STRN4: variants seen among roughly 807,000 people sequenced by gnomAD.
STRN4 encodes the protein striatin-4.
Under a neutral mutation model 77.9 loss-of-function variants are expected in STRN4, and 27 were observed. The observed-to-expected ratio is 0.35, with a 90% CI of 0.26 to 0.48. The LOEUF is 0.48. Ranked by LOEUF, STRN4 falls within the 20% of genes least tolerant of loss-of-function variation. The pLI is 0.99. For missense variants in STRN4, 798 were observed against 1,049.7 expected, an observed-to-expected ratio of 0.76 and a Z score of 3.31; for synonymous variants, 466 against 443.1, an observed-to-expected ratio of 1.05 and a Z score of -0.65.
intron 16 of STRN4, 168 bp downstream of exon 16, chr19:46,721,818 G>GC (rs1239364254): frequency 3.1e-6 from 2 of 637,190 alleles, no homozygotes; most frequent in African/African-American, 3.6e-5. Flanking sequence ...CCAGAGGAGG[G>GC]CCCCAGCGGA....
chr19:46,730,196 C>A (rs191705067), intron 6 of STRN4, among the ~76,000 whole-genome samples: 1 of 152,222 alleles, frequency 6.6e-6, no homozygotes, highest in Non-Finnish European at 1.5e-5. Context: ...GCTGCGGCTC[C>A]GTGCACACCA....
rs767886692 is a variant in STRN4, at chr19:46,722,294, G to C, written c.1953C>G (p.Leu651=). The C allele has an allele frequency of 1.2e-6, 2 of 1,614,080 alleles. No homozygotes were observed. Among genetic ancestry groups the C allele is most frequent in the African/African-American group, 1.3e-5 (1 of 74,940 alleles). The change falls in exon 15 of 18, where the codon CTC becomes CTG. Residue 651 remains leucine, a synonymous_variant. Transcript: ENST00000263280. ...NQVVSHPNQP[L]TITAHDDRGI... is the part of the protein sequence containing the mutation. ...CCCTGTCGTCGTGGGCGGTGATGGT[G>C]AGAGGCTGGTTTGGATGACTCACCA... is the stretch of plus-strand genomic sequence containing the variant.
In STRN4 at chr19:46,723,134, C is replaced by T. The variant is rs1399647750; in HGVS notation, c.1745G>A (p.Cys582Tyr). The change falls in exon 13 of 18, where the codon TGC becomes TAC. Residue 582 changes from cysteine to tyrosine, a missense_variant. By Grantham distance (194) the Cys-to-Tyr change is radical. Around this residue, in one of 2 missense-constraint regions of STRN4, gnomAD observed 287 missense variants for 473.8 expected, o/e 0.61. Transcript: ENST00000263280. This position sits in a 1 kb window ranked among gnomAD's most constrained non-coding sequence, Gnocchi z 5.5. ...CTCACCGCTGGCTGTGGGGAAGGTG[C>T]AGAGGCAGGCCGGGCTGCTGCTGCT... The part of the protein sequence containing the change: ...DPSSSSPACL[C>Y]TFPTASEHGV... 6.4e-7 allele frequency: 1 copy of T among 1,568,292 alleles called. No homozygotes were observed. Among genetic ancestry groups the T allele is most frequent in the Non-Finnish European group, 8.6e-7 (1 of 1,157,504 alleles).
At position 46,746,447 on chromosome 19, in the gene STRN4, G is replaced by C. The variant is rs1599911420; in HGVS notation, c.-17C>G. The C allele has an allele frequency of 1.0e-6, 1 of 1,003,452 alleles. No homozygotes were observed. The highest frequency in any genetic ancestry group is 1.2e-6 in the Non-Finnish European group (1 of 843,772). 62.2% of individuals were successfully genotyped at this position (1,003,452 alleles called of 1,614,324 possible). A position where few individuals can be genotyped will look rare whatever the true frequency, so the allele number is the denominator to read the frequency against. ...CTCCATCATGGAGGCCCCGGGGCCGGCCTGCGCGCCCGCTGTGCCTCGCGC... is the reference window on the plus strand; with the variant it reads ...CTCCATCATGGAGGCCCCGGGGCCGCCCTGCGCGCCCGCTGTGCCTCGCGC... On this transcript the variant is annotated 5_prime_UTR_variant, in exon 1 of 18. Transcript: ENST00000263280.
At chr19:46,739,221 G>A in intron 1 of STRN4, 1 of 360,804 alleles carries the variant, frequency 2.8e-6, no homozygotes, top group Non-Finnish European at 5.4e-6. Context: ...GAGGAGGGTG[G>A]GCATTCACCG....
chr19:46,734,998 C>T (rs1237898108), intron 4 of STRN4, among the ~76,000 whole-genome samples: 2 of 151,992 alleles, frequency 1.3e-5, no homozygotes, highest in Non-Finnish European at 2.9e-5. Flanking sequence ...AAAACAAATC[C>T]CAGCTTTTAT....
Position 46,738,946 on chromosome 19 carries a change from T to A in STRN4, c.283-58A>T. ...ATGGGGCTCAGGCTCAATGCCGGTGTGTCTATCACTCACCCAGGTATAGTG... is the reference window on the plus strand; with the variant it reads ...ATGGGGCTCAGGCTCAATGCCGGTGAGTCTATCACTCACCCAGGTATAGTG... On this transcript the variant is annotated intron_variant, in intron 1 of 17. Coordinates refer to ENST00000263280, the MANE Select transcript of STRN4 (RefSeq NM_013403.3). The surrounding 1 kb of genome is among the most constrained non-coding windows in gnomAD (Gnocchi z 4.5). 3 of 1,442,720 alleles carry A rather than the reference T, an allele frequency of 2.1e-6. No homozygotes were observed. In the South Asian group the frequency reaches 3.4e-5, roughly 16 times the overall value. The allele number at this position is 1,442,720 out of a possible 1,614,324, so 89.4% of individuals were successfully genotyped here.
rs2054013223 is a variant in STRN4, at chr19:46,722,873, T to C, written c.1843A>G (p.Thr615Ala). The C allele has an allele frequency of 6.2e-7, 1 of 1,613,934 alleles. No homozygotes were observed. The highest frequency in any genetic ancestry group is 1.3e-5 in the African/African-American group (1 of 75,032). Residue 615 changes from threonine (T) to alanine (A), a missense_variant, in exon 14 of 18, where the codon ACC becomes GCC. Coordinates refer to ENST00000263280, the MANE Select transcript of STRN4 (RefSeq NM_013403.3). ...HIVASFRSGD[T>A]VLYDMEVGSA... Reference sequence around the variant, plus strand: ...CCAACCTCCATGTCATACAAGACGGTGTCGCCAGAGCGGAAGGAGGCCACG... The same window carrying C: ...CCAACCTCCATGTCATACAAGACGGCGTCGCCAGAGCGGAAGGAGGCCACG...
At chr19:46,731,108 C>A (rs1184824480) in intron 5 of STRN4, among the ~76,000 whole-genome samples, 1 of 152,210 alleles carries the variant, frequency 6.6e-6, no homozygotes, top group Non-Finnish European at 1.5e-5. Context: ...TCCTCAATGA[C>A]CGCCGACCTG....
chr19:46,740,364 A>T (rs11668563), intron 1 of STRN4: 25,864 of 151,980 alleles, frequency 0.17, 2,731 homozygotes, highest in Non-Finnish European at 0.24. Context: ...AGAATGGGAA[A>T]TTTTTTTCCT....
rs2054186307 is a variant in STRN4 at position 46,728,903 on chromosome 19, C to T, written c.880-126G>A. 17 of 1,395,594 alleles carry T rather than the reference C, an allele frequency of 1.2e-5. No homozygotes were observed. In the South Asian group the frequency reaches 2.3e-4, roughly 19 times the overall value. The allele number at this position is 1,395,594 out of a possible 1,614,324, so 86.5% of individuals were successfully genotyped here. On this transcript the variant is annotated intron_variant, in intron 6 of 17. Coordinates refer to ENST00000263280, the MANE Select transcript of STRN4 (RefSeq NM_013403.3). ...TCTGTTCATGGGGCTGCCTCAGCCG[C>T]CAGCCAGCTGCCCTGGAGCGCCCCC... is the stretch of plus-strand genomic sequence containing the variant.
At chr19:46,732,808 G>T in intron 5 of STRN4, 1 of 549,952 alleles carries the variant, frequency 1.8e-6, no homozygotes, top group Non-Finnish European at 3.2e-6. Flanking sequence ...ATCAGGACGG[G>T]GGCAGGGCTG....
At chr19:46,743,529 G>A (rs2054510913) in intron 1 of STRN4, among the ~76,000 whole-genome samples, 1 of 152,212 alleles carries the variant, frequency 6.6e-6, no homozygotes, top group African/African-American at 2.4e-5. Flanking sequence ...GGGTGACCCT[G>A]GGGAGGCCAC....
chr19:46,724,039 G>A (rs1371879703), intron 12 of STRN4, among the ~76,000 whole-genome samples: 4 of 152,134 alleles, frequency 2.6e-5, no homozygotes, highest in Non-Finnish European at 5.9e-5. Context: ...CCTGAGGTCC[G>A]GAGTTCAAGA....
Position 46,730,798 on chromosome 19 carries a change from G to T in STRN4, c.813C>A (p.Cys271Ter). Residue 271 changes from cysteine (C) to a stop codon, truncating the protein, a stop_gained, in exon 6 of 18, where the codon TGC (cysteine) becomes TGA (stop). Coordinates refer to ENST00000263280, the MANE Select transcript of STRN4 (RefSeq NM_013403.3). LOFTEE classifies it high-confidence loss of function. The part of the protein sequence containing the change: ...VLGQIPFLQN[C>*]EDEDSDEDDE... ...CGTCCTCGTCGCTGTCTTCGTCCTC[G>T]CAGTTCTGCAGGAAGGGGATCTGCC... is the stretch of plus-strand genomic sequence containing the variant. 1 of 1,612,886 alleles carries T rather than the reference G, an allele frequency of 6.2e-7. No homozygotes were observed.
At chr19:46,721,793 T>C (rs995453733) in intron 16 of STRN4, 193 bp downstream of exon 16, 3 of 587,918 alleles carry the variant, frequency 5.1e-6, no homozygotes, top group East Asian at 2.9e-5. Context: ...AATGAGACGA[T>C]GCAGCTCCAG....
chr19:46,746,056 C>G, intron 1 of STRN4, 93 bp downstream of exon 1: 12 of 1,055,206 alleles, frequency 1.1e-5, no homozygotes, highest in East Asian at 4.0e-5. Context: ...GTCCCGGCGG[C>G]CATTGCTCCA....
In STRN4 at chr19:46,721,580, C is replaced by G. The variant is rs536489483; in HGVS notation, c.2092+406G>C. ...CCACCCACGTCACACTCCATCCCTT[C>G]TAAGCACAGCCACGTTGCTGGCCTC... On this transcript the variant is annotated intron_variant, in intron 16 of 17. Transcript: ENST00000263280. 6 of 225,530 alleles carry G rather than the reference C, an allele frequency of 2.7e-5. No homozygotes were observed. The South Asian group carries it at 2.8e-4, about 10-fold the overall frequency. The allele number at this position is 225,530 out of a possible 1,614,324, so 14.0% of individuals were successfully genotyped here.
chr19:46,733,037 A>T lies in STRN4; in HGVS notation c.737+2T>A, dbSNP rs929913802. Reference sequence around the variant, plus strand: ...ACACACCTGCCATGTCCACGGGCTCACCTCTTTATCTGCTCCTCGATCTGT... The same window carrying T: ...ACACACCTGCCATGTCCACGGGCTCTCCTCTTTATCTGCTCCTCGATCTGT... On this transcript the variant is annotated splice_donor_variant, in intron 5 of 17. Coordinates refer to ENST00000263280, the MANE Select transcript of STRN4 (RefSeq NM_013403.3). LOFTEE classifies it high-confidence loss of function. This position sits in a 1 kb window ranked among gnomAD's most constrained non-coding sequence, Gnocchi z 4.3. 2 of 1,606,184 alleles carry T rather than the reference A, an allele frequency of 1.2e-6. No homozygotes were observed. The highest frequency in any genetic ancestry group is 2.7e-5 in the African/African-American group (2 of 74,696).
Sources: gnomAD v4.1 joint callset for allele counts (sites outside exome capture counted in the v4.1 genomes callset) on GRCh38, gnomAD v4.1.1 for gene constraint, gnomAD v4.1.1 regional missense constraint, Gnocchi (gnomAD v3.1) non-coding constraint, MANE v1.5 for transcripts, NCBI Gene and HGNC (gene_info 2026-07-23, HGNC 2026-07-21) for gene names.